Variants in ZNF236 observed in about 807,000 individuals in gnomAD.
ZNF236 encodes the protein regulated by glucose.
A neutral mutation model predicts 191.2 loss-of-function variants in ZNF236; 50 were observed. The observed-to-expected ratio is 0.26, with a 90% CI of 0.21 to 0.33. The LOEUF (loss-of-function observed/expected upper bound fraction) is 0.33. ZNF236 is among the 10% of genes least tolerant of loss of function. The pLI is 1.00. For missense variants in ZNF236, 1,754 were observed against 2,374.5 expected, an observed-to-expected ratio of 0.74 and a Z score of 5.43; for synonymous variants, 907 against 928.8, an observed-to-expected ratio of 0.98 and a Z score of 0.43.
chr18:76,892,879 G>A (rs963707085), intron 9 of ZNF236, among the ~76,000 whole-genome samples: 1 of 152,210 alleles, frequency 6.6e-6, no homozygotes, highest in Non-Finnish European at 1.5e-5. Flanking sequence ...ACTATTTGAA[G>A]AGGAAAGCTA....
In ZNF236 at chr18:76,912,074, G is replaced by A. The variant is rs1309628967; in HGVS notation, c.2806-170G>A. Among the ~76,000 whole-genome samples the A allele has an allele frequency of 2.6e-5, 4 of 152,142 alleles. No individual in the cohort carries two copies. In the East Asian group the frequency reaches 7.7e-4, roughly 29 times the overall value. ...TTCATTTAATAAAATCTGTATAAGT[G>A]ATCTTTATTATTGCTCTGGCCTAAA... On this transcript the variant is annotated intron_variant, in intron 16 of 30. Coordinates refer to ENST00000320610, the MANE Select transcript of ZNF236 (RefSeq NM_001306089.2).
At chr18:76,957,954 T>C (rs540390060) in intron 28 of ZNF236, among the ~76,000 whole-genome samples, 1 of 152,312 alleles carries the variant, frequency 6.6e-6, no homozygotes, top group Non-Finnish European at 1.5e-5. Context: ...ACTTAAGAGC[T>C]TCTGCACAGC....
chr18:76,920,197 T>C, intron 20 of ZNF236, 139 bp downstream of exon 20: 1 of 980,468 alleles, frequency 1.0e-6, no homozygotes, highest in Non-Finnish European at 1.5e-6. Flanking sequence ...CTTACTTACT[T>C]GAATGTATGG....
intron 4 of ZNF236, among the ~76,000 whole-genome samples, chr18:76,870,644 T>C (rs1976556263): frequency 1.3e-5 from 2 of 152,148 alleles, no homozygotes; most frequent in South Asian, 4.1e-4. Flanking sequence ...GCAGTGTGGC[T>C]GAGGGAGGCT....
In ZNF236 at chr18:76,875,097, C is replaced by T. The variant is rs1239820214; in HGVS notation, c.668-395C>T. 6.6e-6 allele frequency among the ~76,000 whole-genome samples: 1 copy of T among 152,112 alleles called. No homozygotes were observed. Among genetic ancestry groups the T allele is most frequent in the Non-Finnish European group, 1.5e-5 (1 of 68,008 alleles). On this transcript the variant is annotated intron_variant, in intron 5 of 30. Transcript: ENST00000320610. The surrounding 1 kb of genome is among the most constrained non-coding windows in gnomAD (Gnocchi z 4.3). ...GGAGCTTTGAGTGATAGGGGAGTGCCTTACCCTGGGGTGGTGGTTGTGGAC... is the reference window on the plus strand; with the variant it reads ...GGAGCTTTGAGTGATAGGGGAGTGCTTTACCCTGGGGTGGTGGTTGTGGAC...
chr18:76,932,659 C>T (rs988875375), intron 25 of ZNF236, among the ~76,000 whole-genome samples: 3 of 152,168 alleles, frequency 2.0e-5, no homozygotes, highest in Non-Finnish European at 2.9e-5. Flanking sequence ...GGAAACTGGC[C>T]GTCAGCAGTG....
intron 9 of ZNF236, among the ~76,000 whole-genome samples, chr18:76,890,475 T>C (rs1977197528): frequency 1.3e-5 from 2 of 152,234 alleles, no homozygotes; most frequent in South Asian, 2.1e-4. Context: ...AGTTACACTT[T>C]CCTTTGGTAA....
At chr18:76,952,962 C>T (rs997820939) in intron 27 of ZNF236, among the ~76,000 whole-genome samples, 3 of 152,280 alleles carry the variant, frequency 2.0e-5, no homozygotes, top group Non-Finnish European at 2.9e-5. Flanking sequence ...CTGCTGGTGG[C>T]GTTGGAGCAG....
Position 76,960,388 on chromosome 18 carries a change from T to A in ZNF236, c.5243-291T>A, listed in dbSNP as rs532475822. 7.2e-5 allele frequency among the ~76,000 whole-genome samples: 11 copies of A among 152,282 alleles called. 1 individual carries two copies. The highest frequency in any genetic ancestry group is 2.6e-4 in the African/African-American group (11 of 41,548). ...GACATCATCCCGGGCTCATTTCTGT[T>A]GTGATCATCTGACGACTCACTGTGG... On this transcript the variant is annotated intron_variant, in intron 29 of 30. Transcript: ENST00000320610. This position sits in a 1 kb window ranked among gnomAD's most constrained non-coding sequence, Gnocchi z 4.4.
At chr18:76,956,321 T>G in intron 28 of ZNF236, 139 bp downstream of exon 28, 1 of 966,496 alleles carries the variant, frequency 1.0e-6, no homozygotes, top group Non-Finnish European at 1.6e-6. Flanking sequence ...TCACTAGATG[T>G]AGATGTATTG....
chr18:76,845,632 C>T (rs1002214274), intron 1 of ZNF236, among the ~76,000 whole-genome samples: 2 of 151,996 alleles, frequency 1.3e-5, no homozygotes, highest in African/African-American at 2.4e-5. Context: ...GGGTGGATCA[C>T]GAGGTCAGGA....
intron 25 of ZNF236, chr18:76,935,941 G>C (rs373430847): frequency 3.3e-5 from 15 of 456,102 alleles, no homozygotes; most frequent in Middle Eastern, 7.6e-4. Context: ...TTCAGCGCTC[G>C]AGCCTCCCAG....
At chr18:76,915,131 G>A (rs911634203) in intron 18 of ZNF236, among the ~76,000 whole-genome samples, 6 of 152,146 alleles carry the variant, frequency 3.9e-5, no homozygotes, top group African/African-American at 1.2e-4. Flanking sequence ...TAGTTACTTG[G>A]TTCTGTGTCA....
At chr18:76,888,271 G>A (rs2122677381) in intron 9 of ZNF236, 1 of 152,476 alleles carries the variant, frequency 6.6e-6, no homozygotes, top group Middle Eastern at 3.4e-3. Flanking sequence ...GCTGAGGCAG[G>A]AGAATGGCAT....
At chr18:76,826,277 A>ATTTTTTTTT (rs937771474) in intron 1 of ZNF236, among the ~76,000 whole-genome samples, 2 of 119,418 alleles carry the variant, frequency 1.7e-5, no homozygotes, top group African/African-American at 3.1e-5. Flanking sequence ...ATGGCTAGCT[A>ATTTTTTTTT]TTTTTTTTTT....
At chr18:76,909,318 CAAA>C (rs34878586) in intron 14 of ZNF236, among the ~76,000 whole-genome samples, 4 of 119,460 alleles carry the variant, frequency 3.3e-5, no homozygotes, top group Admixed American at 9.0e-5. Flanking sequence ...GACTCTGTCT[CAAA>C]AAAAAAAAAA....
chr18:76,947,746 G>A, intron 27 of ZNF236, 94 bp downstream of exon 27: 1 of 1,446,016 alleles, frequency 6.9e-7, no homozygotes, highest in Non-Finnish European at 9.2e-7. Context: ...GGCGTGCTGT[G>A]TGACCCAGGT....
rs1466202573 is a variant in ZNF236 at position 76,970,268 on chromosome 18, A to T, written c.*1929A>T. ...AATGTCATCTCAGGACATCTCTAAA[A>T]GGGGTTGTTTAATTCCTAATTGTAT... is the stretch of plus-strand genomic sequence containing the variant. On this transcript the variant is annotated 3_prime_UTR_variant, in exon 31 of 31. Transcript: ENST00000320610. 3 of 152,656 alleles carry T rather than the reference A, an allele frequency of 2.0e-5. No homozygotes were observed. Among genetic ancestry groups the T allele is most frequent in the Non-Finnish European group, 4.4e-5 (3 of 68,036 alleles). 9.5% of individuals were successfully genotyped at this position (152,656 alleles called of 1,614,324 possible).
chr18:76,850,628 T>C (rs1975830393), intron 2 of ZNF236, among the ~76,000 whole-genome samples: 1 of 151,984 alleles, frequency 6.6e-6, no homozygotes, highest in Non-Finnish European at 1.5e-5. Context: ...TTTTTTGAGA[T>C]GGAGTTTCAC....
Sources: gnomAD v4.1 joint callset for allele counts (sites outside exome capture counted in the v4.1 genomes callset) on GRCh38, gnomAD v4.1.1 for gene constraint, Gnocchi (gnomAD v3.1) non-coding constraint, MANE v1.5 for transcripts, NCBI Gene and HGNC (gene_info 2026-07-23, HGNC 2026-07-21) for gene names.